The following GALNS variants were observed in gnomAD, a reference collection of about 807,000 sequenced individuals.
The protein encoded by GALNS is galactosamine (N-acetyl)-6-sulfatase, also known as N-acetylgalactosamine-6-sulfatase.
Under a neutral mutation model 65.9 loss-of-function variants are expected in GALNS, and 65 were observed. The observed-to-expected ratio is 0.99, with a 90% CI of 0.81 to 1.21. The LOEUF (loss-of-function observed/expected upper bound fraction) is 1.21. Among genes scored for constraint, GALNS ranks in the 50% most tolerant of loss-of-function variants. The pLI is 0.00. For synonymous variants in GALNS, 346 were observed against 288.9 expected (o/e 1.20, Z -2.00); for missense variants, 776 against 700.7 (o/e 1.11, Z -1.21).
chr16:88,855,685 A>G, intron 1 of GALNS: 2 of 595,566 alleles, frequency 3.4e-6, no homozygotes, highest in South Asian at 2.1e-5. Flanking sequence ...GATATTTTAC[A>G]TTATTTTTCT....
intron 1 of GALNS, among the ~76,000 whole-genome samples, chr16:88,852,615 G>A (rs947639614): frequency 1.8e-4 from 27 of 152,148 alleles, no homozygotes; most frequent in African/African-American, 6.0e-4. Flanking sequence ...TTGAATCCAT[G>A]GTAAGGAAGC....
chr16:88,853,858 G>A (rs1967627783), intron 1 of GALNS, among the ~76,000 whole-genome samples: 1 of 152,196 alleles, frequency 6.6e-6, no homozygotes, highest in Non-Finnish European at 1.5e-5. Flanking sequence ...GACAGGTGGG[G>A]GCTCTTGCCA....
intron 10 of GALNS, among the ~76,000 whole-genome samples, chr16:88,826,386 G>C (rs1179889439): frequency 2.0e-5 from 3 of 151,480 alleles, no homozygotes; most frequent in Non-Finnish European, 4.4e-5. Flanking sequence ...GGGAACAGGG[G>C]TGGGGCGGGC....
chr16:88,854,055 C>A (rs1431937936), intron 1 of GALNS, among the ~76,000 whole-genome samples: 2 of 152,252 alleles, frequency 1.3e-5, no homozygotes, highest in African/African-American at 4.8e-5. Flanking sequence ...CCAGGCCCCC[C>A]ACTGCCCAGC....
At position 88,842,044 on chromosome 16, in the gene GALNS, CCAA is replaced by C. The variant is rs777409153; in HGVS notation, c.245-76_245-74del. The C allele has an allele frequency of 1.0e-5, 14 of 1,336,388 alleles. No homozygotes were observed. The Admixed American group carries it at 1.4e-4, about 13-fold the overall frequency. 82.8% of individuals were successfully genotyped at this position (1,336,388 alleles called of 1,614,324 possible). A position where few individuals can be genotyped will look rare whatever the true frequency, so the allele number is the denominator to read the frequency against. ...CAGACCCCGGGCGTCAACAAGAGCC[CCAA>C]CGAGTAGACAGACGCGTGACAGACG... On this transcript the variant is annotated intron_variant, in intron 2 of 13. Coordinates refer to ENST00000268695, the MANE Select transcript of GALNS (RefSeq NM_000512.5).
In GALNS at chr16:88,836,247, A is replaced by T. The variant is rs759502513; in HGVS notation, c.587T>A (p.Ile196Asn). The change falls in exon 6 of 14, where the codon ATT becomes AAT. Residue 196 changes from isoleucine to asparagine, a missense_variant. Ile to Asn is a moderately radical substitution (Grantham distance 149). Coordinates refer to ENST00000268695, the MANE Select transcript of GALNS (RefSeq NM_000512.5). ...MVGRYYEEFP[I>N]NLKTGEANLT... ...GTTGGCTTCCCCCGTCTTCAGATTA[A>T]TAGGAAATTCTTCATAATATCTGAA... is the stretch of plus-strand genomic sequence containing the variant. The T allele has an allele frequency of 6.2e-7, 1 of 1,613,206 alleles. No homozygotes were observed. The highest frequency in any genetic ancestry group is 1.3e-5 in the African/African-American group (1 of 75,058).
chr16:88,815,643 C>A (rs898733853), intron 13 of GALNS: 9 of 985,486 alleles, frequency 9.1e-6, no homozygotes, highest in Non-Finnish European at 1.1e-5. Context: ...CCACGTCAGA[C>A]GCCGCATGGC....
chr16:88,839,764 T>C (rs766213643), intron 4 of GALNS, among the ~76,000 whole-genome samples: 2 of 152,148 alleles, frequency 1.3e-5, no homozygotes, highest in Non-Finnish European at 2.9e-5. Flanking sequence ...TGGGGTCCCC[T>C]CTCTCCCGTC....
chr16:88,815,903 G>A, intron 13 of GALNS: 2 of 985,450 alleles, frequency 2.0e-6, no homozygotes, highest in Non-Finnish European at 2.4e-6. Context: ...TGTCCCAGAA[G>A]CAGGGGTCCA....
chr16:88,832,898 G>A (rs972837648), intron 8 of GALNS, among the ~76,000 whole-genome samples: 1 of 151,952 alleles, frequency 6.6e-6, no homozygotes, highest in Non-Finnish European at 1.5e-5. Context: ...GAGAGACCAC[G>A]GCTAAACCCC....
At chr16:88,844,802 C>T (rs893177331) in intron 1 of GALNS, 1 of 152,258 alleles carries the variant, frequency 6.6e-6, no homozygotes. Context: ...TTAGAGCTGG[C>T]ATCAGCAAAT....
chr16:88,838,956 C>G (rs1310986463), intron 4 of GALNS: 1 of 152,998 alleles, frequency 6.5e-6, no homozygotes, highest in African/African-American at 2.4e-5. Flanking sequence ...GGTAAGCACG[C>G]CTGGACCTCT....
At chr16:88,843,359 G>T (rs904590017) in intron 1 of GALNS, 30 of 522,786 alleles carry the variant, frequency 5.7e-5, no homozygotes, top group Non-Finnish European at 8.7e-5. Flanking sequence ...TGAAACTTAC[G>T]TCCACACGCA....
rs1435915686 is a variant in GALNS at position 88,832,146 on chromosome 16, C to T, written c.899-45G>A. ...GTCAGGCCACTGGGACCAGATGTCCCCAGGCCCTCCCCCTCCCTCCCCACT... is the reference window on the plus strand; with the variant it reads ...GTCAGGCCACTGGGACCAGATGTCCTCAGGCCCTCCCCCTCCCTCCCCACT... On this transcript the variant is annotated intron_variant, in intron 8 of 13. Coordinates refer to ENST00000268695, the MANE Select transcript of GALNS (RefSeq NM_000512.5). The T allele has an allele frequency of 3.3e-6, 5 of 1,523,200 alleles. No homozygotes were observed. In the South Asian group the frequency reaches 5.7e-5, roughly 17 times the overall value. The allele number at this position is 1,523,200 out of a possible 1,614,324, so 94.4% of individuals were successfully genotyped here. A position where few individuals can be genotyped will look rare whatever the true frequency, so the allele number is the denominator to read the frequency against.
intron 11 of GALNS, 96 bp downstream of exon 11, chr16:88,824,671 T>A: frequency 9.9e-7 from 1 of 1,011,666 alleles, no homozygotes; most frequent in Non-Finnish European, 1.6e-6. Flanking sequence ...CCTGCCTGTC[T>A]CACCCTCCTG....
At chr16:88,832,662 G>A (rs1484411628) in intron 8 of GALNS, among the ~76,000 whole-genome samples, 1 of 152,234 alleles carries the variant, frequency 6.6e-6, no homozygotes, top group Non-Finnish European at 1.5e-5. Context: ...AGACATGGAA[G>A]AAGGGGGTGG....
intron 1 of GALNS, among the ~76,000 whole-genome samples, chr16:88,847,415 C>T (rs1030026230): frequency 2.0e-5 from 3 of 152,164 alleles, no homozygotes; most frequent in Admixed American, 1.3e-4. Flanking sequence ...TCCAAATTCA[C>T]CCCATCCAGC....
chr16:88,844,427 TCTC>T (rs1294354479), intron 1 of GALNS: 1 of 152,208 alleles, frequency 6.6e-6, no homozygotes, highest in Non-Finnish European at 1.5e-5. Flanking sequence ...GGGCTTTGGC[TCTC>T]CTCGGATCCT....
chr16:88,849,877 A>G (rs1346221216), intron 1 of GALNS, among the ~76,000 whole-genome samples: 1 of 152,240 alleles, frequency 6.6e-6, no homozygotes, highest in African/African-American at 2.4e-5. Flanking sequence ...AGAGCTGCTC[A>G]TGGGCTGAGA....
Sources: gnomAD v4.1 joint callset for allele counts (sites outside exome capture counted in the v4.1 genomes callset) on GRCh38, gnomAD v4.1.1 for gene constraint, MANE v1.5 for transcripts, NCBI Gene and HGNC (gene_info 2026-07-23, HGNC 2026-07-21) for gene names.